The following BCAR3 variants were observed in gnomAD, a reference collection of about 807,000 sequenced individuals.
BCAR3 encodes BCAR3 adaptor protein, NSP family member.
BCAR3 carries 37 observed loss-of-function variants against 80.1 expected under a neutral mutation model. That is an observed-to-expected ratio of 0.46 (90% CI 0.36 to 0.61). The LOEUF is 0.61. BCAR3 is among the 20% of genes least tolerant of loss of function. The pLI is 0.00. For missense variants in BCAR3, 978 were observed against 1,068.2 expected (o/e 0.92, Z 1.18); for synonymous variants, 389 against 418.9 (o/e 0.93, Z 0.87).
intron 2 of BCAR3, among the ~76,000 whole-genome samples, chr1:93,805,489 T>C (rs1042501041): frequency 1.3e-5 from 2 of 152,230 alleles, no homozygotes; most frequent in Admixed American, 1.3e-4. Context: ...CTGGACAGTG[T>C]GTCTCTGAAG....
chr1:93,808,607 G>A (rs1435889672), intron 2 of BCAR3, among the ~76,000 whole-genome samples: 10 of 152,122 alleles, frequency 6.6e-5, no homozygotes, highest in Admixed American at 5.9e-4. Context: ...TGGCAACCAC[G>A]TTACAGACCC....
At chr1:93,818,296 A>G (rs1267640084) in intron 2 of BCAR3, among the ~76,000 whole-genome samples, 1 of 152,218 alleles carries the variant, frequency 6.6e-6, no homozygotes, top group Non-Finnish European at 1.5e-5. Flanking sequence ...GTTAGCCAGG[A>G]TCACACTAAA....
rs143541530 is a variant in BCAR3 at position 93,706,798 on chromosome 1, A to G, written c.-62-656T>C. 3.1e-3 allele frequency among the ~76,000 whole-genome samples: 468 copies of G among 152,360 alleles called. 2 individuals are homozygous for G. Among genetic ancestry groups the G allele is most frequent in the African/African-American group, 0.01 (430 of 41,578 alleles). On this transcript the variant is annotated intron_variant, in intron 2 of 13. Coordinates refer to the BCAR3 transcript ENST00000370244. ...TACTTATATAAATCTACATAATTCA[A>G]TATTACACAGCCATTATAATTTCTA...
At chr1:93,781,519 A>G (rs1652761293) in intron 2 of BCAR3, among the ~76,000 whole-genome samples, 1 of 152,224 alleles carries the variant, frequency 6.6e-6, no homozygotes, top group East Asian at 1.9e-4. Flanking sequence ...AATGCTTTAC[A>G]TACTTATCAT....
chr1:93,756,872 A>C (rs549212511), intron 2 of BCAR3, among the ~76,000 whole-genome samples: 1 of 152,262 alleles, frequency 6.6e-6, no homozygotes, highest in Admixed American at 6.5e-5. Flanking sequence ...CTGCTGTGCC[A>C]AGTGCTATGT....
In BCAR3 at chr1:93,571,560, C is replaced by T; in HGVS notation, c.1974+110G>A. The stretch of plus-strand genomic sequence containing the variant: ...TGTCCCCTAAATGAAGCAGCTTTCA[C>T]TAAGATTCAATTTACTTTTGAGATT... On this transcript the variant is annotated intron_variant, in intron 9 of 11. Transcript: ENST00000260502. 3 of 1,404,468 alleles carry T rather than the reference C, an allele frequency of 2.1e-6. No individual in the cohort carries two copies. The South Asian group carries it at 3.6e-5, about 17-fold the overall frequency. 87.0% of individuals were successfully genotyped at this position (1,404,468 alleles called of 1,614,324 possible).
chr1:93,836,954 T>C (rs1654791661), intron 2 of BCAR3, among the ~76,000 whole-genome samples: 1 of 152,086 alleles, frequency 6.6e-6, no homozygotes, highest in Non-Finnish European at 1.5e-5. Context: ...ACCCAAATCC[T>C]ATAAAACTGC....
At chr1:93,831,397 G>A (rs1257032619) in intron 2 of BCAR3, among the ~76,000 whole-genome samples, 3 of 152,046 alleles carry the variant, frequency 2.0e-5, no homozygotes, top group African/African-American at 7.3e-5. Context: ...ATATTCTTCT[G>A]CAATACCACT....
At chr1:93,762,206 C>T (rs573272004) in intron 2 of BCAR3, among the ~76,000 whole-genome samples, 73 of 152,358 alleles carry the variant, frequency 4.8e-4, no homozygotes, top group South Asian at 2.5e-3. Context: ...TCTCACTCCT[C>T]CATTGTCCTT....
rs894649725 is a variant in BCAR3, at chr1:93,592,170, G to A, written c.486+95C>T. 12 of 1,542,284 alleles carry A rather than the reference G, an allele frequency of 7.8e-6. No individual in the cohort carries two copies. Among genetic ancestry groups the A allele is most frequent in the East Asian group, 6.8e-5 (3 of 43,966 alleles). Reference sequence around the variant, plus strand: ...TGTTTTTGGTTACACAGGTGCTTCCGCCCATGTGGCCTCGGAGTGGGACCC... The same window carrying A: ...TGTTTTTGGTTACACAGGTGCTTCCACCCATGTGGCCTCGGAGTGGGACCC... On this transcript the variant is annotated intron_variant, in intron 4 of 11. Transcript: ENST00000260502. This position sits in a 1 kb window ranked among gnomAD's most constrained non-coding sequence, Gnocchi z 4.8.
chr1:93,797,782 C>G (rs1571135081), intron 2 of BCAR3, among the ~76,000 whole-genome samples: 1 of 152,150 alleles, frequency 6.6e-6, no homozygotes, highest in Non-Finnish European at 1.5e-5. Context: ...AATGAGTTCC[C>G]TATTTCTATG....
intron 3 of BCAR3, among the ~76,000 whole-genome samples, chr1:93,630,569 A>C (rs901942394): frequency 6.6e-6 from 1 of 152,160 alleles, no homozygotes; most frequent in African/African-American, 2.4e-5. Context: ...GGGAGGCAGA[A>C]ATTACAGTGA....
At chr1:93,571,633 A>G (rs1392349377) in intron 9 of BCAR3, 37 bp downstream of exon 9, 23 of 1,609,978 alleles carry the variant, frequency 1.4e-5, no homozygotes, top group Non-Finnish European at 2.0e-5. Context: ...ATCTCTTTAC[A>G]GAACATTAAG....
chr1:93,564,290 C>CTTTT (rs35780346), intron 11 of BCAR3, among the ~76,000 whole-genome samples: 123 of 103,588 alleles, frequency 1.2e-3, no homozygotes, highest in East Asian at 2.7e-3. Flanking sequence ...TTCTTTCTTT[C>CTTTT]TTTTTTTTTT....
intron 2 of BCAR3, among the ~76,000 whole-genome samples, chr1:93,717,165 C>A (rs1650217995): frequency 6.6e-6 from 1 of 152,182 alleles, no homozygotes; most frequent in Non-Finnish European, 1.5e-5. Context: ...GGATGAGAGA[C>A]CTCATGGAGC....
chr1:93,614,021 G>C, intron 3 of BCAR3: 2 of 1,510,106 alleles, frequency 1.3e-6, no homozygotes, highest in Non-Finnish European at 1.8e-6. Flanking sequence ...CACCACAGCA[G>C]CTGTGCTGTT....
chr1:93,654,878 T>C (rs1422912532), intron 2 of BCAR3, among the ~76,000 whole-genome samples: 2 of 152,218 alleles, frequency 1.3e-5, no homozygotes, highest in African/African-American at 4.8e-5. Flanking sequence ...CTCTATCTGC[T>C]AATCTGGCTT....
At chr1:93,702,075 C>G (rs187121783) in intron 3 of BCAR3, among the ~76,000 whole-genome samples, 1 of 152,208 alleles carries the variant, frequency 6.6e-6, no homozygotes, top group African/African-American at 2.4e-5. Context: ...CTAAAGCTAT[C>G]GATCCACCCA....
At chr1:93,688,085 A>C (rs1274379338) in intron 3 of BCAR3, among the ~76,000 whole-genome samples, 1 of 152,230 alleles carries the variant, frequency 6.6e-6, no homozygotes, top group Non-Finnish European at 1.5e-5. Flanking sequence ...CCTGCCCCTG[A>C]AGAGCTAGCC....
Sources: gnomAD v4.1 joint callset for allele counts (sites outside exome capture counted in the v4.1 genomes callset) on GRCh38, gnomAD v4.1.1 for gene constraint, Gnocchi (gnomAD v3.1) non-coding constraint, MANE v1.5 for transcripts, NCBI Gene and HGNC (gene_info 2026-07-23, HGNC 2026-07-21) for gene names.